The following ZNF674 variants were observed in gnomAD, a reference collection of about 807,000 sequenced individuals.
ZNF674 encodes zinc finger family member 674.
A neutral mutation model predicts 7.0 loss-of-function variants in ZNF674; 2 were observed. The observed-to-expected ratio is 0.29, with a 90% CI of 0.12 to 0.90. ZNF674 has a LOEUF of 0.90. ZNF674 is among the 40% of genes least tolerant of loss of function. ZNF674 has a pLI of 0.57. For synonymous variants in ZNF674, 103 were observed against 145.2 expected (o/e 0.71, Z 2.09); for missense variants, 297 against 415.5 (o/e 0.71, Z 2.48).
intron 5 of ZNF674, among the ~76,000 whole-genome samples, chrX:46,506,066 G>C: frequency 8.9e-6 from 1 of 112,477 alleles, no homozygotes; most frequent in Non-Finnish European, 1.9e-5. Context: ...AAGAGCACCA[G>C]TAAAGGTAAC....
At chrX:46,508,358 C>G (rs1488375774) in intron 5 of ZNF674, among the ~76,000 whole-genome samples, 2 of 111,339 alleles carry the variant, frequency 1.8e-5, no homozygotes, top group Non-Finnish European at 3.8e-5. Flanking sequence ...CCTTGGATAC[C>G]AGAATAAGAG....
rs150451394 is a variant in ZNF674 at position 46,513,406 on chromosome X, C to T, written c.239-12071G>A. Among the ~76,000 whole-genome samples, 516 of 112,358 alleles carry T rather than the reference C, an allele frequency of 4.6e-3. 2 individuals carry two copies. Among genetic ancestry groups the T allele is most frequent in the Middle Eastern group, 9.2e-3 (2 of 217 alleles). On this transcript the variant is annotated intron_variant, in intron 5 of 5. Transcript: ENST00000683375. Reference sequence around the variant, plus strand: ...AAAATTACAATAATATACCAATTTACCCTTGCCATATTACCAAAATTCAAA... The same window carrying T: ...AAAATTACAATAATATACCAATTTATCCTTGCCATATTACCAAAATTCAAA...
At chrX:46,530,210 C>T (rs2033352455) in intron 3 of ZNF674, among the ~76,000 whole-genome samples, 1 of 111,993 alleles carries the variant, frequency 8.9e-6, no homozygotes. Flanking sequence ...CACCAGTTTA[C>T]CCAGCTGTGC....
chrX:46,500,308 G>A lies in ZNF674; in HGVS notation c.1266C>T (p.His422=). The change falls in exon 6 of 6, where the codon CAC becomes CAT. Residue 422 remains histidine, a synonymous_variant. Coordinates refer to ENST00000683375, the MANE Select transcript of ZNF674 (RefSeq NM_001190417.2). ...ICGKTFSGKS[H]LSVHHRTHTG... ...TATGAGTTCTATGATGGACAGAGAG[G>A]TGTGACTTTCCACTGAAAGTCTTCC... The A allele has an allele frequency of 8.3e-7, 1 of 1,209,336 alleles. No homozygotes were observed. The highest frequency in any genetic ancestry group is 1.1e-6 in the Non-Finnish European group (1 of 893,805).
At chrX:46,502,314 AAAAAG>A (rs1243372410) in intron 5 of ZNF674, among the ~76,000 whole-genome samples, 1 of 108,912 alleles carries the variant, frequency 9.2e-6, no homozygotes, top group Non-Finnish European at 1.9e-5. Flanking sequence ...TCAAAAAAAA[AAAAAG>A]AAAAGAAAAT....
chrX:46,536,872 T>G (rs1221189177), intron 3 of ZNF674, among the ~76,000 whole-genome samples: 1 of 112,604 alleles, frequency 8.9e-6, no homozygotes, highest in African/African-American at 3.2e-5. Context: ...ACATTGCTTA[T>G]GAGAAAAATG....
In ZNF674 at chrX:46,500,173, G is replaced by A. The variant is rs765756930; in HGVS notation, c.1401C>T (p.Asn467=). The A allele has an allele frequency of 2.2e-5, 27 of 1,207,996 alleles. No individual in the cohort carries two copies. The highest frequency in any genetic ancestry group is 1.5e-4 in the East Asian group (5 of 33,710). ...TCTCACTAAAGGCTTTCCCACATTC[G>A]TTGCATTTATAGGGTTTCTCTCCTG... The part of the protein sequence containing the change: ...MHTGEKPYKC[N]ECGKAFSEKS... Residue 467 remains asparagine, a synonymous_variant, in exon 6 of 6, where the codon AAC becomes AAT. Coordinates refer to ENST00000683375, the MANE Select transcript of ZNF674 (RefSeq NM_001190417.2).
chrX:46,535,273 C>A (rs912714945), intron 3 of ZNF674, among the ~76,000 whole-genome samples: 1 of 110,559 alleles, frequency 9.0e-6, no homozygotes, highest in Admixed American at 9.8e-5. Flanking sequence ...CAGCTTCCCT[C>A]GTAGCTGGAA....
chrX:46,520,682 C>T (rs1941892000), intron 5 of ZNF674, among the ~76,000 whole-genome samples: 5 of 111,259 alleles, frequency 4.5e-5, no homozygotes, highest in Admixed American at 3.9e-4. Context: ...AATAGAATAA[C>T]AACAATCAGC....
intron 3 of ZNF674, 29 bp downstream of exon 3, chrX:46,542,043 GA>G (rs1556022313): frequency 1.7e-6 from 2 of 1,189,920 alleles, no homozygotes; most frequent in Admixed American, 2.2e-5. Context: ...AATTTCACTG[GA>G]AAAAAAGTAG....
intron 5 of ZNF674, among the ~76,000 whole-genome samples, chrX:46,516,759 G>A (rs1941772725): frequency 8.9e-6 from 1 of 112,485 alleles, no homozygotes; most frequent in Non-Finnish European, 1.9e-5. Context: ...CACTTTGGGA[G>A]GCCAAGGCGG....
intron 5 of ZNF674, among the ~76,000 whole-genome samples, chrX:46,523,981 G>T (rs1183621169): frequency 3.7e-5 from 4 of 109,334 alleles, no homozygotes. Context: ...GGTAGAGGTT[G>T]TGGTGAGCCG....
chrX:46,537,100 A>T (rs1335383143), intron 3 of ZNF674, among the ~76,000 whole-genome samples: 1 of 111,170 alleles, frequency 9.0e-6, no homozygotes, highest in Non-Finnish European at 1.9e-5. Context: ...GCAAAACCCC[A>T]TCTCTACTAA....
At chrX:46,520,833 A>G (rs1305359735) in intron 5 of ZNF674, among the ~76,000 whole-genome samples, 1 of 111,917 alleles carries the variant, frequency 8.9e-6, no homozygotes, top group East Asian at 2.8e-4. Context: ...CATGTCTACA[A>G]GAAACGCAAT....
intron 3 of ZNF674, among the ~76,000 whole-genome samples, chrX:46,534,930 G>A (rs1442759911): frequency 4.6e-5 from 5 of 108,293 alleles, no homozygotes; most frequent in East Asian, 2.9e-4. Context: ...TAGTAGAGAC[G>A]GTGTTTCACC....
rs781738110 is a variant in ZNF674, at chrX:46,528,334, C to A, written c.238+16G>T. 2.2e-5 allele frequency: 27 copies of A among 1,210,634 alleles called. No individual in the cohort carries two copies. In the South Asian group the frequency reaches 4.7e-4, roughly 21 times the overall value. The stretch of plus-strand genomic sequence containing the variant: ...GGTCCCTTTTCCCTGGCCTGACTCA[C>A]CTGGCCTGTCCTCACCTGCACAGGT... On this transcript the variant is annotated intron_variant, in intron 5 of 5. Transcript: ENST00000683375.
chrX:46,530,333 G>A (rs143226391), intron 3 of ZNF674, among the ~76,000 whole-genome samples: 279 of 111,289 alleles, frequency 2.5e-3, no homozygotes, highest in African/African-American at 7.1e-3. Context: ...CCCCTCCCTC[G>A]TGATAGCTCC....
At chrX:46,511,186 T>C (rs1354496307) in intron 5 of ZNF674, among the ~76,000 whole-genome samples, 1 of 111,803 alleles carries the variant, frequency 8.9e-6, no homozygotes, top group Non-Finnish European at 1.9e-5. Context: ...TCCTAATTCA[T>C]TGAGAGAAGA....
At chrX:46,529,105 C>T (rs771899330) in intron 3 of ZNF674, 196 bp from the exon 4 acceptor site, 12 of 708,668 alleles carry the variant, frequency 1.7e-5, no homozygotes, top group Non-Finnish European at 2.5e-5. Flanking sequence ...AATAACCAGT[C>T]CAGGTCACAC....
Sources: gnomAD v4.1 joint callset for allele counts (sites outside exome capture counted in the v4.1 genomes callset) on GRCh38, gnomAD v4.1.1 for gene constraint, MANE v1.5 for transcripts, NCBI Gene and HGNC (gene_info 2026-07-23, HGNC 2026-07-21) for gene names.